Variants in RFWD3 observed in about 807,000 individuals in gnomAD.
RFWD3 encodes E3 ubiquitin-protein ligase RFWD3.
A neutral mutation model predicts 87.7 loss-of-function variants in RFWD3; 65 were observed. That is an observed-to-expected ratio of 0.74 (90% CI 0.61 to 0.91). The LOEUF is 0.91. RFWD3 is among the 40% of genes least tolerant of loss of function. The pLI is 0.00. For synonymous variants in RFWD3, 433 were observed against 352.8 expected (o/e 1.23, Z -2.55); for missense variants, 1,078 against 938.5 (o/e 1.15, Z -1.94).
At position 74,623,060 on chromosome 16, in the gene RFWD3, T is replaced by C. The variant is rs532784268; in HGVS notation, c.*868A>G. 3 of 152,356 alleles carry C rather than the reference T, an allele frequency of 2.0e-5. No individual in the cohort carries two copies. In the South Asian group the frequency reaches 6.2e-4, roughly 32 times the overall value. The allele number at this position is 152,356 out of a possible 1,614,324, so 9.4% of individuals were successfully genotyped here. ...ACTAGGGGAGACTCAAGTAAAAGCTTTGACCTATCACTCATCTTTTCCTGG... is the reference window on the plus strand; with the variant it reads ...ACTAGGGGAGACTCAAGTAAAAGCTCTGACCTATCACTCATCTTTTCCTGG... On this transcript the variant is annotated 3_prime_UTR_variant, in exon 13 of 13. Coordinates refer to ENST00000361070, the MANE Select transcript of RFWD3 (RefSeq NM_018124.4).
In RFWD3 at chr16:74,661,165, A is replaced by G. The variant is rs1296652883; in HGVS notation, c.285T>C (p.Asn95=). The change falls in exon 2 of 13, where the codon AAT becomes AAC. Residue 95 remains asparagine (N), a synonymous_variant. Transcript: ENST00000361070. ...VLGEDTVENI[N]PRTSEQHRQG... Reference sequence around the variant, plus strand: ...GCCTATGTTGTTCTGAAGTTCTTGGATTGATGTTCTCCACAGTGTCTTCTC... The same window carrying G: ...GCCTATGTTGTTCTGAAGTTCTTGGGTTGATGTTCTCCACAGTGTCTTCTC... 1 of 1,614,090 alleles carries G rather than the reference A, an allele frequency of 6.2e-7. No individual in the cohort carries two copies. The highest frequency in any genetic ancestry group is 2.2e-5 in the East Asian group (1 of 44,896).
intron 2 of RFWD3, among the ~76,000 whole-genome samples, chr16:74,654,676 T>G (rs1250423942): frequency 6.6e-6 from 1 of 152,162 alleles, no homozygotes; most frequent in Non-Finnish European, 1.5e-5. Flanking sequence ...TGTCAAAAGC[T>G]GGGATAGGCC....
chr16:74,651,825 G>C (rs1960588335), intron 3 of RFWD3, 95 bp downstream of exon 3: 2 of 1,080,812 alleles, frequency 1.9e-6, no homozygotes, highest in Admixed American at 4.1e-5. Context: ...GGAGAAAAGG[G>C]AAAGTGTCAA....
chr16:74,630,827 G>A lies in RFWD3; in HGVS notation c.1708C>T (p.Arg570Ter), dbSNP rs760056385. 8.7e-6 allele frequency: 14 copies of A among 1,612,574 alleles called. No homozygotes were observed. Among genetic ancestry groups the A allele is most frequent in the African/African-American group, 1.3e-5 (1 of 74,722 alleles). ...TCCTGCACATGACTGCTCGTGTTTC[G>A]CACGTCATATACCAGAATTGAACCA... is the stretch of plus-strand genomic sequence containing the variant. ...ANGSILVYDVRNTSSHVQELV... is the reference protein window; with the variant it reads ...ANGSILVYDV The change falls in exon 10 of 13, where the codon CGA becomes TGA. Residue 570 changes from arginine (R) to a stop codon, truncating the protein, a stop_gained. Coordinates refer to ENST00000361070, the MANE Select transcript of RFWD3 (RefSeq NM_018124.4). LOFTEE classifies it high-confidence loss of function.
chr16:74,645,996 C>T (rs1016719684), intron 4 of RFWD3, among the ~76,000 whole-genome samples: 1 of 152,006 alleles, frequency 6.6e-6, no homozygotes, highest in Non-Finnish European at 1.5e-5. Flanking sequence ...GATCCGTCCG[C>T]CTTGGCCTCC....
chr16:74,644,489 T>C (rs1959944021), intron 5 of RFWD3, 36 bp from the exon 6 acceptor site: 1 of 1,614,068 alleles, frequency 6.2e-7, no homozygotes, highest in African/African-American at 1.3e-5. Flanking sequence ...AGAGTGGTTC[T>C]AGGAATCTGC....
intron 6 of RFWD3, among the ~76,000 whole-genome samples, chr16:74,639,460 C>T (rs185936802): frequency 7.9e-5 from 12 of 152,300 alleles, no homozygotes; most frequent in East Asian, 1.9e-4. Flanking sequence ...TTATGCAGCA[C>T]GTGACTGTAA....
intron 12 of RFWD3, among the ~76,000 whole-genome samples, chr16:74,624,466 G>A (rs554858414): frequency 6.6e-6 from 1 of 152,304 alleles, no homozygotes; most frequent in Admixed American, 6.5e-5. Context: ...CACGATCTTG[G>A]CTTACTGCAA....
intron 8 of RFWD3, among the ~76,000 whole-genome samples, chr16:74,633,020 T>A (rs562128219): frequency 6.6e-6 from 1 of 152,040 alleles, no homozygotes; most frequent in Non-Finnish European, 1.5e-5. Context: ...CTCACCTCTG[T>A]AATCCCAGCA....
intron 4 of RFWD3, among the ~76,000 whole-genome samples, 166 bp from the exon 5 acceptor site, chr16:74,644,901 A>C (rs945618568): frequency 3.3e-5 from 5 of 152,252 alleles, no homozygotes; most frequent in Admixed American, 3.3e-4. Context: ...TCTAGAATGC[A>C]ATGTCACAAA....
intron 1 of RFWD3, among the ~76,000 whole-genome samples, chr16:74,661,964 T>C (rs935188567): frequency 1.3e-5 from 2 of 152,212 alleles, no homozygotes; most frequent in African/African-American, 4.8e-5. Flanking sequence ...ACCTAATGTT[T>C]CCAAAAAGGC....
intron 2 of RFWD3, chr16:74,660,500 T>C: frequency 6.1e-6 from 1 of 165,122 alleles, no homozygotes; most frequent in South Asian, 1.6e-4. Context: ...TAGGCAATTG[T>C]TATTCTTCAT....
chr16:74,644,157 A>G (rs949863092), intron 6 of RFWD3: 1 of 619,354 alleles, frequency 1.6e-6, no homozygotes, highest in South Asian at 1.9e-5. Context: ...TGCTCTACAT[A>G]AGGCAAACGA....
chr16:74,622,462 CA>C lies in RFWD3; in HGVS notation c.*1465del, dbSNP rs11327273. ...CAACGTAGTGAAACATCTATTTCTA[CA>C]AAAAAATTTAAAAAAGGAAAAAATT... On this transcript the variant is annotated 3_prime_UTR_variant, in exon 13 of 13. Coordinates refer to ENST00000361070, the MANE Select transcript of RFWD3 (RefSeq NM_018124.4). 0.7 allele frequency: 106,831 copies of C among 151,722 alleles called. 38,202 individuals carry two copies. Among genetic ancestry groups the C allele is most frequent in the African/African-American group, 0.82 (33,867 of 41,386 alleles). The allele number at this position is 151,722 out of a possible 1,614,324, so 9.4% of individuals were successfully genotyped here. A position where few individuals can be genotyped will look rare whatever the true frequency, so the allele number is the denominator to read the frequency against.
intron 6 of RFWD3, among the ~76,000 whole-genome samples, chr16:74,640,634 C>G (rs1215692744): frequency 1.3e-5 from 2 of 151,756 alleles, no homozygotes; most frequent in African/African-American, 4.8e-5. Context: ...TAGAGCAAGA[C>G]CCTGTCTTTA....
intron 8 of RFWD3, among the ~76,000 whole-genome samples, chr16:74,633,567 A>G: frequency 6.6e-6 from 1 of 152,172 alleles, no homozygotes; most frequent in East Asian, 1.9e-4. Flanking sequence ...ACTCATCTGT[A>G]GTGACAAAAA....
chr16:74,624,117 C>G lies in RFWD3; in HGVS notation c.2182-46G>C, dbSNP rs765595626. 4.4e-6 allele frequency: 7 copies of G among 1,588,122 alleles called. 1 individual carries two copies. In the South Asian group the frequency reaches 8.0e-5, roughly 18 times the overall value. On this transcript the variant is annotated intron_variant, in intron 12 of 12. Transcript: ENST00000361070. ...GAAGGGTCAGGAGTCAGTCAGTACA[C>G]GAAGGGACTTCCATTCTTCATCATC...
chr16:74,666,174 TAGAC>T (rs773019021), intron 1 of RFWD3: 3 of 145,428 alleles, frequency 2.1e-5, no homozygotes, highest in African/African-American at 5.3e-5. Context: ...ATAGATTAGA[TAGAC>T]AGATTAGATA....
At chr16:74,645,096 G>A (rs1310915334) in intron 4 of RFWD3, among the ~76,000 whole-genome samples, 1 of 152,042 alleles carries the variant, frequency 6.6e-6, no homozygotes, top group Non-Finnish European at 1.5e-5. Context: ...AAAACACAAT[G>A]GTCAATAAGT....
Sources: gnomAD v4.1 joint callset for allele counts (sites outside exome capture counted in the v4.1 genomes callset) on GRCh38, gnomAD v4.1.1 for gene constraint, MANE v1.5 for transcripts, NCBI Gene and HGNC (gene_info 2026-07-23, HGNC 2026-07-21) for gene names.